Variants in TMC1 observed in about 807,000 individuals in gnomAD.
The protein encoded by TMC1 is transmembrane channel like 1, also known as transmembrane channel-like protein 1.
In TMC1, 84 loss-of-function variants were observed where a neutral mutation model predicts 105.8. The ratio of observed to expected loss-of-function variants is 0.79; its 90% confidence interval spans 0.67 to 0.95. The LOEUF is 0.95. Among genes scored for constraint, TMC1 ranks in the 40% least tolerant of loss-of-function variants. TMC1 has a pLI of 0.00. For missense variants in TMC1, 817 were observed against 914.1 expected (o/e 0.89, Z 1.37); for synonymous variants, 315 against 311.5 (o/e 1.01, Z -0.12).
chr9:72,833,615 G>A (rs1222294789), intron 23 of TMC1, among the ~76,000 whole-genome samples: 1 of 152,152 alleles, frequency 6.6e-6, no homozygotes, highest in Non-Finnish European at 1.5e-5. Context: ...GGGTATGTGA[G>A]AGGCAAATTT....
intron 12 of TMC1, among the ~76,000 whole-genome samples, chr9:72,761,833 TA>T (rs1422028897): frequency 2.0e-5 from 3 of 152,222 alleles, no homozygotes; most frequent in African/African-American, 7.2e-5. Flanking sequence ...CTTCATCTCT[TA>T]TTGCACTGGA....
At chr9:72,678,534 TA>T (rs534364771) in intron 5 of TMC1, among the ~76,000 whole-genome samples, 203 of 152,184 alleles carry the variant, frequency 1.3e-3, no homozygotes, top group African/African-American at 4.7e-3. Context: ...GCAGTGTGAG[TA>T]ATAACTATCA....
intron 2 of TMC1, among the ~76,000 whole-genome samples, chr9:72,579,390 G>A (rs1307341568): frequency 3.3e-5 from 5 of 152,012 alleles, no homozygotes; most frequent in South Asian, 4.2e-4. Context: ...GCTCAACTTC[G>A]GGCCTGGCGC....
At chr9:72,752,849 C>CATA (rs1003276699) in intron 11 of TMC1, among the ~76,000 whole-genome samples, 7 of 151,866 alleles carry the variant, frequency 4.6e-5, no homozygotes, top group African/African-American at 1.5e-4. Context: ...CTCCTATTAA[C>CATA]ATAATAATAA....
chr9:72,557,299 G>T (rs764830629), intron 1 of TMC1, among the ~76,000 whole-genome samples: 1 of 151,852 alleles, frequency 6.6e-6, no homozygotes, highest in Non-Finnish European at 1.5e-5. Context: ...TGAACCCGGG[G>T]GGCAAAGATT....
chr9:72,616,905 T>C (rs1587991546), intron 3 of TMC1, among the ~76,000 whole-genome samples: 1 of 152,090 alleles, frequency 6.6e-6, no homozygotes, highest in African/African-American at 2.4e-5. Flanking sequence ...ATTAGTGTTG[T>C]TGATTTGAAT....
At chr9:72,724,120 G>A (rs748372622) in intron 8 of TMC1, among the ~76,000 whole-genome samples, 6 of 152,084 alleles carry the variant, frequency 3.9e-5, no homozygotes, top group African/African-American at 7.2e-5. Flanking sequence ...TAATTTCCAC[G>A]GACATTTAAT....
intron 8 of TMC1, among the ~76,000 whole-genome samples, chr9:72,707,612 T>C (rs974507022): frequency 6.6e-6 from 1 of 152,156 alleles, no homozygotes; most frequent in African/African-American, 2.4e-5. Context: ...GGACTGTTTG[T>C]ATTTTTCTTG....
chr9:72,726,304 G>A (rs1192017724), intron 8 of TMC1, among the ~76,000 whole-genome samples: 2 of 152,084 alleles, frequency 1.3e-5, no homozygotes, highest in African/African-American at 2.4e-5. Flanking sequence ...TACATATAAT[G>A]TATAAATACA....
intron 7 of TMC1, among the ~76,000 whole-genome samples, chr9:72,695,478 T>C (rs150077660): frequency 6.6e-6 from 1 of 152,230 alleles, no homozygotes; most frequent in East Asian, 1.9e-4. Context: ...AGAGAAAACC[T>C]AGACCCCTTG....
intron 12 of TMC1, among the ~76,000 whole-genome samples, chr9:72,767,042 C>A (rs1827849817): frequency 6.6e-6 from 1 of 152,130 alleles, no homozygotes; most frequent in African/African-American, 2.4e-5. Flanking sequence ...TTGTTTCTTT[C>A]CTGTGTTGCG....
chr9:72,619,044 T>C (rs1034416183), intron 3 of TMC1, among the ~76,000 whole-genome samples: 1 of 152,118 alleles, frequency 6.6e-6, no homozygotes, highest in Admixed American at 6.6e-5. Context: ...CCTTGGAGAA[T>C]TGGATGTTTT....
chr9:72,669,022 C>T (rs772692984), intron 5 of TMC1, among the ~76,000 whole-genome samples: 39 of 152,112 alleles, frequency 2.6e-4, no homozygotes, highest in Non-Finnish European at 4.7e-4. Flanking sequence ...AAAGATAATA[C>T]AGCTGGGTGC....
intron 1 of TMC1, among the ~76,000 whole-genome samples, chr9:72,576,825 T>C (rs2132095145): frequency 6.6e-6 from 1 of 152,052 alleles, no homozygotes; most frequent in African/African-American, 2.4e-5. Context: ...GAGACAGGGT[T>C]TCACCATGTT....
At chr9:72,771,888 T>G (rs184667240) in intron 12 of TMC1, among the ~76,000 whole-genome samples, 80 of 152,282 alleles carry the variant, frequency 5.3e-4, no homozygotes, top group African/African-American at 1.9e-3. Context: ...TCTTGATGAA[T>G]GGGAAGTGTG....
chr9:72,552,281 T>G (rs1823871220), intron 1 of TMC1, among the ~76,000 whole-genome samples: 1 of 152,224 alleles, frequency 6.6e-6, no homozygotes, highest in African/African-American at 2.4e-5. Flanking sequence ...ACAAGGATTC[T>G]GTGCTTTGGA....
chr9:72,693,664 T>A (rs1182455319), intron 6 of TMC1, among the ~76,000 whole-genome samples: 1 of 152,206 alleles, frequency 6.6e-6, no homozygotes, highest in Non-Finnish European at 1.5e-5. Context: ...TTTAATTTTT[T>A]ACAGTAGTTT....
intron 8 of TMC1, among the ~76,000 whole-genome samples, chr9:72,725,689 ATC>A: frequency 6.6e-6 from 1 of 151,278 alleles, no homozygotes; most frequent in East Asian, 2.0e-4. Context: ...TCAAATGTTA[ATC>A]TCTCTCTCTT....
At chr9:72,733,036 T>C (rs1827240182) in intron 8 of TMC1, among the ~76,000 whole-genome samples, 1 of 152,150 alleles carries the variant, frequency 6.6e-6, no homozygotes, top group Non-Finnish European at 1.5e-5. Flanking sequence ...GAGCCAGGAT[T>C]CAAACCCCTG....
Sources: gnomAD v4.1 joint callset for allele counts (sites outside exome capture counted in the v4.1 genomes callset) on GRCh38, gnomAD v4.1.1 for gene constraint, MANE v1.5 for transcripts, NCBI Gene and HGNC (gene_info 2026-07-23, HGNC 2026-07-21) for gene names.